Variants in ZMYM1 observed in about 807,000 individuals in gnomAD.
ZMYM1 encodes zinc finger MYM-type containing 1.
ZMYM1 carries 39 observed loss-of-function variants against 60.0 expected under a neutral mutation model. The observed-to-expected ratio is 0.65, with a 90% CI of 0.50 to 0.85. ZMYM1 has a LOEUF of 0.85. ZMYM1 is among the 40% of genes least tolerant of loss of function. The pLI, the probability that ZMYM1 is intolerant of heterozygous loss-of-function variation, is 0.00. For synonymous variants in ZMYM1, 413 were observed against 454.0 expected (o/e 0.91, Z 1.15); for missense variants, 1,171 against 1,309.5 (o/e 0.89, Z 1.63).
rs762028028 is a variant in ZMYM1 at position 35,104,545 on chromosome 1, A to G, written c.595-12A>G. The G allele has an allele frequency of 4.3e-6, 7 of 1,613,064 alleles. No individual in the cohort carries two copies. The South Asian group carries it at 6.6e-5, about 15-fold the overall frequency. On this transcript the variant is annotated splice_polypyrimidine_tract_variant and intron_variant, in intron 5 of 9. Transcript: ENST00000359858. ...ATCAGAGTTTTTACTGAATCTTTTTATTAAATCCTAGATTCAGTATGAAGT... is the reference window on the plus strand; with the variant it reads ...ATCAGAGTTTTTACTGAATCTTTTTGTTAAATCCTAGATTCAGTATGAAGT...
downstream of ZMYM1, among the ~76,000 whole-genome samples, chr1:35,118,775 T>C (rs1236223057): frequency 1.3e-5 from 2 of 152,212 alleles, no homozygotes. Context: ...TTGTAGTCTA[T>C]TATACAGCCA....
In ZMYM1 at chr1:35,098,271, G is replaced by T. The variant is rs1406432870; in HGVS notation, c.419+705G>T. Among the ~76,000 whole-genome samples the T allele has an allele frequency of 2.0e-5, 3 of 152,176 alleles. No homozygotes were observed. The East Asian group carries it at 5.8e-4, about 29-fold the overall frequency. ...AATGAAGTGATTCTTTTGAAAAATTGATGGCCATAGATAAACCTACATGTC... is the reference window on the plus strand; with the variant it reads ...AATGAAGTGATTCTTTTGAAAAATTTATGGCCATAGATAAACCTACATGTC... On this transcript the variant is annotated intron_variant, in intron 4 of 9. Coordinates refer to ENST00000359858, the MANE Select transcript of ZMYM1 (RefSeq NM_024772.5).
intron 1 of ZMYM1, among the ~76,000 whole-genome samples, chr1:35,067,511 C>G (rs1641991938): frequency 2.0e-5 from 3 of 151,790 alleles, no homozygotes; most frequent in South Asian, 4.1e-4. Flanking sequence ...GGATAAAAGA[C>G]TACAAATAGG....
intron 1 of ZMYM1, among the ~76,000 whole-genome samples, chr1:35,084,256 C>T (rs1471168071): frequency 6.6e-6 from 1 of 151,944 alleles, no homozygotes; most frequent in Non-Finnish European, 1.5e-5. Context: ...CAAACATAAC[C>T]AAGTCCTTGC....
Position 35,097,680 on chromosome 1 carries a change from TG to T in ZMYM1, c.419+115del, listed in dbSNP as rs751310145. On this transcript the variant is annotated intron_variant, in intron 4 of 9. Coordinates refer to ENST00000359858, the MANE Select transcript of ZMYM1 (RefSeq NM_024772.5). The stretch of plus-strand genomic sequence containing the variant: ...ATTTTTTGAGACTGAGTTTGACTCT[TG>T]TTGCCCAGGCTGGAGTGCAGTGGCA... 49 of 1,339,680 alleles carry T rather than the reference TG, an allele frequency of 3.7e-5. No individual in the cohort carries two copies. The South Asian group carries it at 6.6e-4, about 18-fold the overall frequency. 83.0% of individuals were successfully genotyped at this position (1,339,680 alleles called of 1,614,324 possible).
chr1:35,097,268 A>G, intron 3 of ZMYM1, 49 bp from the exon 4 acceptor site: 2 of 1,534,352 alleles, frequency 1.3e-6, no homozygotes, highest in Non-Finnish European at 8.7e-7. Context: ...ATGCCTACTT[A>G]ATTTTGTGTA....
At chr1:35,067,887 AAAAC>A (rs924933575) in intron 1 of ZMYM1, among the ~76,000 whole-genome samples, 10 of 151,790 alleles carry the variant, frequency 6.6e-5, no homozygotes, top group African/African-American at 2.4e-4. Context: ...AAAAAACAAA[AAAAC>A]AAAAAACCTT....
chr1:35,099,241 C>A (rs78075643), intron 4 of ZMYM1, among the ~76,000 whole-genome samples: 3 of 152,158 alleles, frequency 2.0e-5, no homozygotes, highest in Admixed American at 2.0e-4. Context: ...ACGTTACTTA[C>A]CATTCTCTTT....
At chr1:35,064,048 G>A (rs12072935) in intron 1 of ZMYM1, among the ~76,000 whole-genome samples, 30,381 of 151,886 alleles carry the variant, frequency 0.2, 6,977 homozygotes, top group African/African-American at 0.55. Flanking sequence ...AGTTTCAGCC[G>A]GGCACAGTGG....
downstream of ZMYM1, among the ~76,000 whole-genome samples, chr1:35,116,835 A>ATTTTTTTT (rs10671957): frequency 1.0e-4 from 9 of 88,936 alleles, 1 homozygote; most frequent in Admixed American, 3.7e-4. Context: ...TAGGCCTGGA[A>ATTTTTTTT]TTTTTTTTTT....
At chr1:35,080,550 G>GA (rs1196645817) in intron 1 of ZMYM1, among the ~76,000 whole-genome samples, 1 of 151,722 alleles carries the variant, frequency 6.6e-6, no homozygotes, top group Non-Finnish European at 1.5e-5. Flanking sequence ...CTCCTGAATC[G>GA]AAGCAATCCA....
upstream of ZMYM1, among the ~76,000 whole-genome samples, chr1:35,078,295 C>A (rs969137775): frequency 3.3e-5 from 5 of 152,096 alleles, no homozygotes; most frequent in Non-Finnish European, 7.3e-5. Flanking sequence ...CCCTTTTGGT[C>A]TGGACCTCAC....
At chr1:35,080,796 C>T (rs1321595740) in intron 1 of ZMYM1, among the ~76,000 whole-genome samples, 4 of 152,044 alleles carry the variant, frequency 2.6e-5, no homozygotes, top group Non-Finnish European at 4.4e-5. Flanking sequence ...CAGTGTAACC[C>T]GGTACCAAGG....
At chr1:35,099,446 G>T (rs1056750459) in intron 4 of ZMYM1, among the ~76,000 whole-genome samples, 4 of 152,154 alleles carry the variant, frequency 2.6e-5, no homozygotes, top group Non-Finnish European at 5.9e-5. Flanking sequence ...AAGATTTAGT[G>T]TGTAAGTTCT....
At chr1:35,095,315 T>C (rs1346064128) in intron 2 of ZMYM1, among the ~76,000 whole-genome samples, 1 of 151,392 alleles carries the variant, frequency 6.6e-6, no homozygotes, top group Non-Finnish European at 1.5e-5. Context: ...TTCAAGACCA[T>C]GGGCAACATC....
upstream of ZMYM1, among the ~76,000 whole-genome samples, chr1:35,074,555 C>T (rs1208962401): frequency 6.6e-6 from 1 of 151,858 alleles, no homozygotes; most frequent in Admixed American, 6.6e-5. Context: ...ATTACAGGCA[C>T]ACGCCACCAT....
intron 1 of ZMYM1, among the ~76,000 whole-genome samples, chr1:35,072,718 A>T (rs768796899): frequency 1.3e-5 from 2 of 151,484 alleles, no homozygotes; most frequent in Non-Finnish European, 2.9e-5. Flanking sequence ...GAGGCCACGG[A>T]GGGTAGATCT....
chr1:35,118,241 CAAAAAAAA>C (rs11364403), downstream of ZMYM1, among the ~76,000 whole-genome samples: 44 of 100,140 alleles, frequency 4.4e-4, no homozygotes, highest in African/African-American at 1.5e-3. Context: ...AACTCCGTCT[CAAAAAAAA>C]AAAAAAAAAA....
At chr1:35,101,816 T>G (rs541196070) in intron 4 of ZMYM1, among the ~76,000 whole-genome samples, 1 of 152,178 alleles carries the variant, frequency 6.6e-6, no homozygotes, top group Admixed American at 6.6e-5. Flanking sequence ...CTCCCAAGAT[T>G]AAAGGTGTGA....
Sources: allele counts gnomAD v4.1 joint callset (sites outside exome capture counted in the v4.1 genomes callset), GRCh38; gene constraint gnomAD v4.1.1; transcripts MANE v1.5; gene names NCBI Gene and HGNC (gene_info 2026-07-23, HGNC 2026-07-21).